PRDM11: variants seen among roughly 807,000 people sequenced by gnomAD.
PRDM11 encodes the protein PR domain-containing protein 11.
A neutral mutation model predicts 97.8 loss-of-function variants in PRDM11; 20 were observed. The ratio of observed to expected loss-of-function variants is 0.20; its 90% CI spans 0.14 to 0.30. PRDM11 has a LOEUF of 0.30. Among genes scored for constraint, PRDM11 ranks in the 10% least tolerant of loss-of-function variants. The pLI, the probability that PRDM11 is intolerant of heterozygous loss-of-function variation, is 1.00. For missense variants in PRDM11, 1,139 were observed against 1,555.2 expected (o/e 0.73, Z 4.50); for synonymous variants, 599 against 637.7 (o/e 0.94, Z 0.91).
intron 1 of PRDM11, among the ~76,000 whole-genome samples, chr11:45,112,522 C>G (rs1043808917): frequency 3.3e-5 from 5 of 152,196 alleles, no homozygotes; most frequent in Non-Finnish European, 5.9e-5. Context: ...ATACTGTTTT[C>G]CATAGTGGTT....
chr11:45,219,133 A>G lies in PRDM11; in HGVS notation c.555-437A>G, dbSNP rs1854038357. Reference sequence around the variant, plus strand: ...GGCTATTTCAGCAAGGCTTTGTGAAATACTGGAAACAGTTGAAGGACCCCA... The same window carrying G: ...GGCTATTTCAGCAAGGCTTTGTGAAGTACTGGAAACAGTTGAAGGACCCCA... On this transcript the variant is annotated intron_variant, in intron 5 of 7. Transcript: ENST00000683152. This position sits in a 1 kb window ranked among gnomAD's most constrained non-coding sequence, Gnocchi z 4.2. Among the ~76,000 whole-genome samples the G allele has an allele frequency of 6.6e-6, 1 of 152,250 alleles. No individual in the cohort carries two copies. Among genetic ancestry groups the G allele is most frequent in the African/African-American group, 2.4e-5 (1 of 41,468 alleles).
At chr11:45,113,814 G>A (rs10838414) in intron 1 of PRDM11, among the ~76,000 whole-genome samples, 58,270 of 129,204 alleles carry the variant, frequency 0.45, 15,131 homozygotes, top group Non-Finnish European at 0.58. Flanking sequence ...GTGTGTGTGT[G>A]TGTGTGTGTG....
At chr11:45,107,743 G>T (rs1590340403) in intron 1 of PRDM11, among the ~76,000 whole-genome samples, 1 of 152,108 alleles carries the variant, frequency 6.6e-6, no homozygotes, top group East Asian at 1.9e-4. Context: ...GATTTGCGTG[G>T]CATTGTACAA....
At chr11:45,133,051 C>T (rs1852755347) in intron 1 of PRDM11, among the ~76,000 whole-genome samples, 1 of 152,174 alleles carries the variant, frequency 6.6e-6, no homozygotes, top group African/African-American at 2.4e-5. Flanking sequence ...TTAACCTTGC[C>T]TTCTCTGCCA....
chr11:45,095,955 A>G (rs1851882984), intron 1 of PRDM11: 2 of 763,356 alleles, frequency 2.6e-6, no homozygotes, highest in African/African-American at 1.7e-5. Flanking sequence ...TGCACTTGCT[A>G]CTACCTCTCC....
chr11:45,204,702 T>G lies in PRDM11; in HGVS notation c.487-9T>G. On this transcript the variant is annotated splice_polypyrimidine_tract_variant and intron_variant, in intron 4 of 7. Transcript: ENST00000683152. ...ATGGCCCATCCTAGACTCTTTCTCT[T>G]TCTTCCAGATTGTGGACAAGAACAA... 6.2e-7 allele frequency: 1 copy of G among 1,609,168 alleles called. No individual in the cohort carries two copies. Among genetic ancestry groups the G allele is most frequent in the Non-Finnish European group, 8.5e-7 (1 of 1,175,478 alleles).
chr11:45,100,696 G>A (rs1851958102), intron 1 of PRDM11, among the ~76,000 whole-genome samples: 1 of 152,226 alleles, frequency 6.6e-6, no homozygotes, highest in Non-Finnish European at 1.5e-5. Context: ...CAACCGGGCA[G>A]TTCCTTTCTT....
At chr11:45,095,995 C>G in intron 1 of PRDM11, 1 of 715,874 alleles carries the variant, frequency 1.4e-6, no homozygotes. Context: ...GATCTTTATT[C>G]AGGCCCCTGC....
At chr11:45,157,893 A>G (rs1197562747) in intron 1 of PRDM11, among the ~76,000 whole-genome samples, 1 of 152,070 alleles carries the variant, frequency 6.6e-6, no homozygotes, top group Non-Finnish European at 1.5e-5. Flanking sequence ...AAGCTGTCAG[A>G]AGGGAGGGCT....
At chr11:45,136,133 T>C (rs565094807) in intron 1 of PRDM11, among the ~76,000 whole-genome samples, 2 of 152,370 alleles carry the variant, frequency 1.3e-5, no homozygotes, top group African/African-American at 2.4e-5. Flanking sequence ...ACAGGGTATA[T>C]GAGAACTCTT....
intron 1 of PRDM11, among the ~76,000 whole-genome samples, chr11:45,115,597 G>C (rs1267442432): frequency 7.9e-5 from 12 of 152,080 alleles, no homozygotes; most frequent in Non-Finnish European, 5.9e-5. Context: ...TTAGGTTGAA[G>C]GTATAAGAAG....
intron 1 of PRDM11, among the ~76,000 whole-genome samples, chr11:45,134,121 G>A (rs992692894): frequency 6.6e-6 from 1 of 152,164 alleles, no homozygotes; most frequent in African/African-American, 2.4e-5. Context: ...AGCTACCAAT[G>A]GTGATTAGGC....
intron 1 of PRDM11, among the ~76,000 whole-genome samples, chr11:45,110,361 C>T (rs1273612754): frequency 6.6e-6 from 1 of 152,094 alleles, no homozygotes; most frequent in African/African-American, 2.4e-5. Flanking sequence ...TTGAACTCAC[C>T]AGGAAAACGT....
chr11:45,117,592 A>G (rs1481796340), intron 1 of PRDM11, among the ~76,000 whole-genome samples: 1 of 152,066 alleles, frequency 6.6e-6, no homozygotes, highest in Middle Eastern at 3.2e-3. Flanking sequence ...ACAAGAAAAA[A>G]TATAATTAGA....
At position 45,226,528 on chromosome 11, in the gene PRDM11, A is replaced by G; in HGVS notation, c.1903A>G (p.Ile635Val). The G allele has an allele frequency of 6.5e-7, 1 of 1,533,932 alleles. No homozygotes were observed. Among genetic ancestry groups the G allele is most frequent in the South Asian group, 1.2e-5 (1 of 83,964 alleles). The change falls in exon 8 of 8, where the codon ATC (isoleucine) becomes GTC (valine). Residue 635 changes from isoleucine (I) to valine (V), a missense_variant. Transcript: ENST00000683152. Reference protein sequence around the residue: ...DQYMNEGDCQILIHHIARALR... With the variant: ...DQYMNEGDCQVLIHHIARALR... Reference sequence around the variant, plus strand: ...GTACATGAATGAGGGAGACTGCCAGATCCTCATCCATCACATCGCCCGGGC... The same window carrying G: ...GTACATGAATGAGGGAGACTGCCAGGTCCTCATCCATCACATCGCCCGGGC...
At chr11:45,189,898 A>C (rs1852848301) in intron 4 of PRDM11, among the ~76,000 whole-genome samples, 1 of 152,062 alleles carries the variant, frequency 6.6e-6, no homozygotes, top group Non-Finnish European at 1.5e-5. Context: ...GAAGAAAGAA[A>C]AGGGGCGTTT....
chr11:45,125,384 T>G (rs1852542045), intron 1 of PRDM11, among the ~76,000 whole-genome samples: 1 of 152,198 alleles, frequency 6.6e-6, no homozygotes. Context: ...TCTGCTAGCT[T>G]TTGAATGTGT....
At chr11:45,149,543 G>A (rs1368603019) in intron 1 of PRDM11, among the ~76,000 whole-genome samples, 3 of 152,220 alleles carry the variant, frequency 2.0e-5, no homozygotes, top group Non-Finnish European at 2.9e-5. Context: ...CATTTCCACA[G>A]TAGGTTGACT....
chr11:45,146,775 C>A lies in PRDM11; in HGVS notation c.-109C>A. 6.8e-6 allele frequency: 1 copy of A among 146,138 alleles called. No homozygotes were observed. Among genetic ancestry groups the A allele is most frequent in the South Asian group, 2.0e-4 (1 of 4,992 alleles). The allele number at this position is 146,138 out of a possible 1,614,324, so 9.1% of individuals were successfully genotyped here. On this transcript the variant is annotated 5_prime_UTR_variant, in exon 1 of 8. Coordinates refer to ENST00000683152, the MANE Select transcript of PRDM11 (RefSeq NM_001384648.1). ...AGCGCGCCCGCAGCGCGGCCGCTCC[C>A]TCCGCGGGGGCCGCCAGCCGAGGCC... is the stretch of plus-strand genomic sequence containing the variant.
Sources: allele counts gnomAD v4.1 joint callset (sites outside exome capture counted in the v4.1 genomes callset), GRCh38; gene constraint gnomAD v4.1.1; non-coding constraint Gnocchi (gnomAD v3.1); transcripts MANE v1.5; gene names NCBI Gene and HGNC (gene_info 2026-07-23, HGNC 2026-07-21).